DCLK1: variants seen among roughly 807,000 people sequenced by gnomAD.
DCLK1 encodes the protein serine/threonine-protein kinase DCLK1.
Under a neutral mutation model 86.2 loss-of-function variants are expected in DCLK1, and 16 were observed. That is an observed-to-expected ratio of 0.19 (90% CI 0.13 to 0.28). The LOEUF (loss-of-function observed/expected upper bound fraction) is 0.28, where lower values mean the gene tolerates loss of function less well. Among genes scored for constraint, DCLK1 ranks in the 10% least tolerant of loss-of-function variants. The pLI, the probability that DCLK1 is intolerant of heterozygous loss-of-function variation, is 1.00. For synonymous variants in DCLK1, 369 were observed against 370.5 expected (o/e 1.00, Z 0.05); for missense variants, 590 against 940.2 (o/e 0.63, Z 4.87).
At chr13:35,999,373 G>T (rs2153145505) in intron 3 of DCLK1, among the ~76,000 whole-genome samples, 1 of 152,242 alleles carries the variant, frequency 6.6e-6, no homozygotes, top group South Asian at 2.1e-4. Flanking sequence ...CCAGAGCTGG[G>T]GTGAGCTGAA....
At chr13:35,812,446 T>C (rs2087167912) in intron 11 of DCLK1, among the ~76,000 whole-genome samples, 2 of 152,244 alleles carry the variant, frequency 1.3e-5, no homozygotes, top group African/African-American at 4.8e-5. Context: ...CTGCAGTAGT[T>C]TGAATCTTTT....
At chr13:35,899,338 A>AGTGTGTGT (rs755180041) in intron 4 of DCLK1, among the ~76,000 whole-genome samples, 40 of 143,928 alleles carry the variant, frequency 2.8e-4, no homozygotes, top group Middle Eastern at 3.5e-3. Context: ...GAGAAATACA[A>AGTGTGTGT]GTGTGTGTGT....
chr13:36,053,538 C>T (rs1337061152), intron 3 of DCLK1, among the ~76,000 whole-genome samples: 1 of 151,892 alleles, frequency 6.6e-6, no homozygotes, highest in East Asian at 1.9e-4. Context: ...CATTTGAGGT[C>T]TTTACTTCCA....
chr13:35,918,892 G>GGTTTTTTTTTTTTTTTTTT (rs1875600883), intron 4 of DCLK1, among the ~76,000 whole-genome samples: 1 of 76,310 alleles, frequency 1.3e-5, no homozygotes, highest in Non-Finnish European at 2.5e-5. Context: ...TTCTGAGTGT[G>GGTTTTTTTTTTTTTTTTTT]TTTTTTTTTT....
intron 11 of DCLK1, 127 bp from the exon 12 acceptor site, chr13:35,811,095 C>CCT: frequency 8.6e-7 from 1 of 1,168,246 alleles, no homozygotes; most frequent in Non-Finnish European, 1.2e-6. Flanking sequence ...GGCAATTATG[C>CCT]AAGAATGGAT....
intron 12 of DCLK1, among the ~76,000 whole-genome samples, chr13:35,809,727 G>C (rs887778219): frequency 6.6e-6 from 1 of 152,154 alleles, no homozygotes; most frequent in African/African-American, 2.4e-5. Flanking sequence ...CCCCACCTGA[G>C]GGAGGTCAGA....
chr13:35,862,187 A>T (rs961462128), intron 5 of DCLK1, among the ~76,000 whole-genome samples: 1 of 152,144 alleles, frequency 6.6e-6, no homozygotes, highest in African/African-American at 2.4e-5. Flanking sequence ...TCCCAAATAT[A>T]TATTGTTAGC....
chr13:35,797,524 A>G (rs1033900519), intron 15 of DCLK1, among the ~76,000 whole-genome samples: 6 of 152,172 alleles, frequency 3.9e-5, no homozygotes, highest in Admixed American at 3.9e-4. Context: ...CCCTTGGGTT[A>G]TTAGTTCACA....
chr13:35,815,935 C>T (rs548153501), intron 11 of DCLK1, among the ~76,000 whole-genome samples: 6 of 152,096 alleles, frequency 3.9e-5, no homozygotes, highest in African/African-American at 1.2e-4. Flanking sequence ...GGTAATTAAA[C>T]GAAAAAGTAA....
intron 4 of DCLK1, among the ~76,000 whole-genome samples, chr13:35,894,607 G>A (rs890134460): frequency 6.6e-6 from 1 of 152,194 alleles, no homozygotes; most frequent in African/African-American, 2.4e-5. Flanking sequence ...AAAGACACAA[G>A]GCACAGAGGT....
chr13:36,123,197 T>C (rs1886052278), intron 2 of DCLK1, among the ~76,000 whole-genome samples: 2 of 152,334 alleles, frequency 1.3e-5, no homozygotes, highest in South Asian at 4.1e-4. Context: ...GTCAGAGATA[T>C]GAGCCTAATG....
intron 3 of DCLK1, among the ~76,000 whole-genome samples, chr13:36,064,058 C>T (rs972854072): frequency 1.1e-4 from 17 of 152,176 alleles, no homozygotes; most frequent in African/African-American, 4.1e-4. Context: ...AAACATCTCA[C>T]ACTAAAAGTA....
intron 4 of DCLK1, among the ~76,000 whole-genome samples, chr13:35,942,956 C>T (rs114053077): frequency 7.2e-5 from 11 of 152,288 alleles, no homozygotes; most frequent in African/African-American, 2.6e-4. Context: ...ACTTGTAATC[C>T]AAGTTCAAAT....
intron 3 of DCLK1, among the ~76,000 whole-genome samples, chr13:35,990,864 G>A (rs1187845099): frequency 6.6e-6 from 1 of 152,074 alleles, no homozygotes; most frequent in Non-Finnish European, 1.5e-5. Context: ...AAATTCTCTT[G>A]TACATAATGT....
intron 6 of DCLK1, chr13:35,848,934 C>A: frequency 1.0e-6 from 1 of 985,356 alleles, no homozygotes; most frequent in Non-Finnish European, 1.2e-6. Flanking sequence ...GCCTTTTGAT[C>A]TCAGCAGGAG....
intron 15 of DCLK1, among the ~76,000 whole-genome samples, chr13:35,802,559 C>T (rs1359869889): frequency 6.6e-6 from 1 of 151,838 alleles, no homozygotes; most frequent in African/African-American, 2.4e-5. Context: ...TATTGAAGAT[C>T]TGAAAAACAA....
intron 3 of DCLK1, among the ~76,000 whole-genome samples, chr13:36,024,710 CT>C (rs958301310): frequency 3.3e-5 from 5 of 150,706 alleles, no homozygotes; most frequent in South Asian, 2.1e-4. Context: ...TCTCAGCTGC[CT>C]TTTTTTTTGT....
At chr13:35,879,327 C>T (rs1346385866) in intron 4 of DCLK1, among the ~76,000 whole-genome samples, 2 of 152,194 alleles carry the variant, frequency 1.3e-5, no homozygotes, top group Non-Finnish European at 2.9e-5. Context: ...CCTCCACCTG[C>T]ACGGGGCTCT....
At chr13:36,099,458 A>C (rs770437556) in intron 3 of DCLK1, among the ~76,000 whole-genome samples, 1 of 152,206 alleles carries the variant, frequency 6.6e-6, no homozygotes, top group Non-Finnish European at 1.5e-5. Context: ...TACAAATGTG[A>C]AAATGCAAGT....
Sources: allele counts gnomAD v4.1 joint callset (sites outside exome capture counted in the v4.1 genomes callset), GRCh38; gene constraint gnomAD v4.1.1; transcripts MANE v1.5; gene names NCBI Gene and HGNC (gene_info 2026-07-23, HGNC 2026-07-21).